Variants in EXT1 observed in about 807,000 individuals in gnomAD.
EXT1 encodes exostosin-1.
EXT1 carries 20 observed loss-of-function variants against 82.5 expected under a neutral mutation model. That is an observed-to-expected ratio of 0.24 (90% CI 0.17 to 0.35). EXT1 has a LOEUF of 0.35. Ranked by LOEUF, EXT1 falls within the 10% of genes least tolerant of loss-of-function variation. The pLI, the probability that EXT1 is intolerant of heterozygous loss-of-function variation, is 1.00. For missense variants in EXT1, 757 were observed against 936.5 expected, an observed-to-expected ratio of 0.81 and a Z score of 2.50; for synonymous variants, 348 against 350.8, an observed-to-expected ratio of 0.99 and a Z score of 0.09.
intron 1 of EXT1, among the ~76,000 whole-genome samples, chr8:118,059,191 G>A (rs191279591): frequency 5.9e-5 from 9 of 152,350 alleles, no homozygotes; most frequent in Admixed American, 1.3e-4. Flanking sequence ...TAGGGCAACA[G>A]GGGAGAGTAG....
chr8:117,994,326 G>T (rs1815493217), intron 1 of EXT1, among the ~76,000 whole-genome samples: 1 of 152,146 alleles, frequency 6.6e-6, no homozygotes, highest in African/African-American at 2.4e-5. Flanking sequence ...AAAGGACTTG[G>T]ATCAGCTGGG....
At position 117,906,639 on chromosome 8, in the gene EXT1, C is replaced by T. The variant is rs539229873; in HGVS notation, c.963-69438G>A. Among the ~76,000 whole-genome samples the T allele has an allele frequency of 7.4e-4, 113 of 152,232 alleles. 1 individual carries two copies. In the South Asian group the frequency reaches 0.023, roughly 31 times the overall value. On this transcript the variant is annotated intron_variant, in intron 1 of 10. Transcript: ENST00000378204. ...ATTCCTTAAAGCACAGAATTCATAC[C>T]CTGTATCTTAAACTTCTAACACACA...
intron 1 of EXT1, among the ~76,000 whole-genome samples, chr8:118,025,173 T>C (rs1051136678): frequency 6.6e-6 from 1 of 152,116 alleles, no homozygotes; most frequent in African/African-American, 2.4e-5. Flanking sequence ...TAAGAAGTTT[T>C]CTCTGACCTA....
intron 1 of EXT1, among the ~76,000 whole-genome samples, chr8:117,979,342 A>G (rs1366246494): frequency 1.3e-5 from 2 of 150,658 alleles, no homozygotes; most frequent in African/African-American, 4.9e-5. Flanking sequence ...CGACAGAGCA[A>G]GACTCTGTCT....
chr8:118,028,421 T>C (rs1007210816), intron 1 of EXT1, among the ~76,000 whole-genome samples: 1 of 152,246 alleles, frequency 6.6e-6, no homozygotes, highest in African/African-American at 2.4e-5. Context: ...TGCTGTGTTT[T>C]TTATAGAATA....
Position 117,971,978 on chromosome 8 carries a change from C to T in EXT1, c.963-134777G>A, listed in dbSNP as rs183318684. On this transcript the variant is annotated intron_variant, in intron 1 of 10. Transcript: ENST00000378204. ...CCAGCCTGACCAACATGGAGAAACCCTGTTTCTTCTAAAAATACAAAATTA... is the reference window on the plus strand; with the variant it reads ...CCAGCCTGACCAACATGGAGAAACCTTGTTTCTTCTAAAAATACAAAATTA... Among the ~76,000 whole-genome samples, 50 of 152,204 alleles carry T rather than the reference C, an allele frequency of 3.3e-4. 1 individual carries two copies. The East Asian group carries it at 9.1e-3, about 28-fold the overall frequency.
chr8:117,824,031 G>A (rs1373496017), intron 4 of EXT1, among the ~76,000 whole-genome samples: 1 of 152,050 alleles, frequency 6.6e-6, no homozygotes, highest in Admixed American at 6.5e-5. Flanking sequence ...ATTTATTCCT[G>A]CTTTTTATTA....
At chr8:117,801,151 T>G (rs1327232748) in intron 10 of EXT1, among the ~76,000 whole-genome samples, 1 of 152,206 alleles carries the variant, frequency 6.6e-6, no homozygotes, top group Non-Finnish European at 1.5e-5. Context: ...ACATTGAAGA[T>G]AAACACAAAT....
At chr8:117,959,127 G>T (rs1022207434) in intron 1 of EXT1, among the ~76,000 whole-genome samples, 1 of 152,220 alleles carries the variant, frequency 6.6e-6, no homozygotes, top group African/African-American at 2.4e-5. Flanking sequence ...CCAACAGGTT[G>T]TGCACAAAGT....
chr8:118,103,228 C>T (rs4876791), intron 1 of EXT1, among the ~76,000 whole-genome samples: 80,411 of 152,062 alleles, frequency 0.53, 23,173 homozygotes, highest in Middle Eastern at 0.67. Flanking sequence ...GTCACTGCAG[C>T]CTCAATGTCC....
At chr8:117,809,218 A>ATATATATATATATATATATAT (rs1823280806) in intron 8 of EXT1, among the ~76,000 whole-genome samples, 1 of 107,944 alleles carries the variant, frequency 9.3e-6, no homozygotes, top group Non-Finnish European at 1.9e-5. Context: ...TGTGTGTATA[A>ATATATATATATATATATATAT]ATATATATAT....
intron 1 of EXT1, among the ~76,000 whole-genome samples, chr8:117,929,834 G>C (rs145418247): frequency 1.3e-5 from 2 of 152,184 alleles, no homozygotes; most frequent in Non-Finnish European, 2.9e-5. Flanking sequence ...GCAGCCAGGC[G>C]TGGTGCCTCA....
In EXT1 at chr8:117,799,525, T is replaced by C; in HGVS notation, c.*187A>G. 1 of 642,276 alleles carries C rather than the reference T, an allele frequency of 1.6e-6. No homozygotes were observed. Among genetic ancestry groups the C allele is most frequent in the Non-Finnish European group, 2.7e-6 (1 of 367,246 alleles). The allele number at this position is 642,276 out of a possible 1,614,324, so 39.8% of individuals were successfully genotyped here. On this transcript the variant is annotated 3_prime_UTR_variant, in exon 11 of 11. Transcript: ENST00000378204. The stretch of plus-strand genomic sequence containing the variant: ...AGCCAGTGAGGTGAGTTTGGAGCAG[T>C]CTGGTGCAGTCCCAGGAGCCAGGAG...
In EXT1 at chr8:117,799,365, T is replaced by C. The variant is rs1823129834; in HGVS notation, c.*347A>G. 3.3e-6 allele frequency: 1 copy of C among 305,658 alleles called. No homozygotes were observed. The highest frequency in any genetic ancestry group is 5.5e-5 in the East Asian group (1 of 18,086). The allele number at this position is 305,658 out of a possible 1,614,324, so 18.9% of individuals were successfully genotyped here. A position where few individuals can be genotyped will look rare whatever the true frequency, so the allele number is the denominator to read the frequency against. On this transcript the variant is annotated 3_prime_UTR_variant, in exon 11 of 11. Coordinates refer to ENST00000378204, the MANE Select transcript of EXT1 (RefSeq NM_000127.3). The stretch of plus-strand genomic sequence containing the variant: ...TGAAATATTCACAACCAACACAATT[T>C]TGATTAAACAAAGAACTCTGGTTTT...
chr8:117,864,398 G>T (rs1812737062), intron 1 of EXT1, among the ~76,000 whole-genome samples: 1 of 152,162 alleles, frequency 6.6e-6, no homozygotes, highest in African/African-American at 2.4e-5. Context: ...GATGGAAGAA[G>T]AATTGTCTTG....
intron 3 of EXT1, 110 bp downstream of exon 3, chr8:117,835,333 CT>C: frequency 1.3e-6 from 1 of 791,858 alleles, no homozygotes; most frequent in Non-Finnish European, 2.2e-6. Context: ...TAATTTTCTC[CT>C]GATAAGATTT....
Position 118,019,104 on chromosome 8 carries a change from A to T in EXT1, c.962+90981T>A, listed in dbSNP as rs549563983. On this transcript the variant is annotated intron_variant, in intron 1 of 10. Transcript: ENST00000378204. ...GCAGAGGAAAAAAAGAAAAAAAAAA[A>T]CTTAAAGGAACAGGCACAAAATAAG... 2.6e-5 allele frequency among the ~76,000 whole-genome samples: 4 copies of T among 151,932 alleles called. No individual in the cohort carries two copies. In the South Asian group the frequency reaches 8.3e-4, roughly 32 times the overall value.
chr8:117,928,337 C>A (rs1813989782), intron 1 of EXT1, among the ~76,000 whole-genome samples: 1 of 152,184 alleles, frequency 6.6e-6, no homozygotes, highest in South Asian at 2.1e-4. Flanking sequence ...TAAGTAGGCA[C>A]CTGTCCACAG....
chr8:117,962,773 A>G (rs1814729203), intron 1 of EXT1, among the ~76,000 whole-genome samples: 1 of 141,996 alleles, frequency 7.0e-6, no homozygotes, highest in Non-Finnish European at 1.5e-5. Context: ...CCACCCCCAA[A>G]AAAAAGAGAA....
Sources: allele counts gnomAD v4.1 joint callset (sites outside exome capture counted in the v4.1 genomes callset), GRCh38; gene constraint gnomAD v4.1.1; transcripts MANE v1.5; gene names NCBI Gene and HGNC (gene_info 2026-07-23, HGNC 2026-07-21).